The following PCDHGA8 variants were observed in gnomAD, a reference collection of about 807,000 sequenced individuals.
The protein encoded by PCDHGA8 is protocadherin gamma subfamily A, 8.
In PCDHGA8, 45 loss-of-function variants were observed where a neutral mutation model predicts 59.2. The ratio of observed to expected loss-of-function variants is 0.76; its 90% confidence interval spans 0.60 to 0.98. The LOEUF is 0.98. Ranked by LOEUF, PCDHGA8 falls within the 50% of genes least tolerant of loss-of-function variation. PCDHGA8 has a pLI of 0.00. For missense variants in PCDHGA8, 1,257 were observed against 1,196.2 expected (o/e 1.05, Z -0.75); for synonymous variants, 531 against 519.0 (o/e 1.02, Z -0.32).
chr5:141,392,834 C>T lies in PCDHGA8; in HGVS notation c.21C>T (p.Arg7=). 2 of 1,607,664 alleles carry T rather than the reference C, an allele frequency of 1.2e-6. No homozygotes were observed. Among genetic ancestry groups the T allele is most frequent in the Non-Finnish European group, 1.7e-6 (2 of 1,176,840 alleles). Residue 7 remains arginine, a synonymous_variant, in exon 1 of 4, where the codon CGC becomes CGT. Coordinates refer to ENST00000398604, the MANE Select transcript of PCDHGA8 (RefSeq NM_032088.2). MAAPQS[R]PRRGELILLC... ...CAACAATGGCCGCTCCACAGAGTCG[C>T]CCCAGACGCGGCGAGCTGATCCTGC...
rs779191558 is a variant in PCDHGA8 at position 141,491,465 on chromosome 5, A to T, written c.2425-3342A>T. 3.1e-6 allele frequency: 5 copies of T among 1,614,092 alleles called. No homozygotes were observed. Among genetic ancestry groups the T allele is most frequent in the Non-Finnish European group, 4.2e-6 (5 of 1,180,010 alleles). On this transcript the variant is annotated intron_variant, in intron 1 of 3. Transcript: ENST00000398604. The surrounding 1 kb of genome is among the most constrained non-coding windows in gnomAD (Gnocchi z 6.9). ...CAGGACTCACCCTCCCCGGACTTCT[A>T]TAAGCAGTCCAGCCCCAACCTGCAG... is the stretch of plus-strand genomic sequence containing the variant.
Position 141,487,904 on chromosome 5 carries a change from G to A in PCDHGA8, c.2425-6903G>A, listed in dbSNP as rs1229814755. On this transcript the variant is annotated intron_variant, in intron 1 of 3. Coordinates refer to ENST00000398604, the MANE Select transcript of PCDHGA8 (RefSeq NM_032088.2). The surrounding 1 kb of genome is among the most constrained non-coding windows in gnomAD (Gnocchi z 5.0). ...TGTGGAAGCATGATGATGGAATGTG[G>A]GAGCACAGGAGGCTACAGTGCACAG... 8.8e-6 allele frequency: 6 copies of A among 685,686 alleles called. No individual in the cohort carries two copies. The highest frequency in any genetic ancestry group is 1.5e-5 in the Non-Finnish European group (6 of 410,118). 42.5% of individuals were successfully genotyped at this position (685,686 alleles called of 1,614,324 possible). A position where few individuals can be genotyped will look rare whatever the true frequency, so the allele number is the denominator to read the frequency against.
chr5:141,414,849 C>G (rs10038103), intron 1 of PCDHGA8: 1 of 1,614,134 alleles, frequency 6.2e-7, no homozygotes, highest in African/African-American at 1.3e-5. Flanking sequence ...TTGTGCTGGA[C>G]CAGAACGACA....
Position 141,511,410 on chromosome 5 carries a change from T to TA in PCDHGA8, c.*238dup. On this transcript the variant is annotated 3_prime_UTR_variant, in exon 4 of 4. Coordinates refer to ENST00000398604, the MANE Select transcript of PCDHGA8 (RefSeq NM_032088.2). ...GGAACCCCCATCCAATCAACTGCTG[T>TA]ACCCATGGGGGTAGTGGGGTTACTG... The TA allele has an allele frequency of 1.1e-6, 1 of 908,822 alleles. No homozygotes were observed. The highest frequency in any genetic ancestry group is 1.6e-6 in the Non-Finnish European group (1 of 624,204). 56.3% of individuals were successfully genotyped at this position (908,822 alleles called of 1,614,324 possible).
intron 1 of PCDHGA8, chr5:141,427,043 G>A: frequency 2.2e-6 from 1 of 457,348 alleles, no homozygotes; most frequent in Non-Finnish European, 4.4e-6. Context: ...GAGAGAATGT[G>A]CCCCCAGGCA....
intron 1 of PCDHGA8, among the ~76,000 whole-genome samples, chr5:141,455,246 G>A (rs2098817522): frequency 6.6e-6 from 1 of 151,962 alleles, no homozygotes; most frequent in Non-Finnish European, 1.5e-5. Context: ...AAAGGTCATA[G>A]TACAATCGCA....
At chr5:141,434,337 C>T (rs939910421) in intron 1 of PCDHGA8, among the ~76,000 whole-genome samples, 13 of 152,230 alleles carry the variant, frequency 8.5e-5, no homozygotes, top group African/African-American at 2.4e-4. Context: ...CTCTTTGTGT[C>T]GGGAACAGGC....
At chr5:141,395,543 TGTGTG>T in intron 1 of PCDHGA8, 1 of 8,204 alleles carries the variant, frequency 1.2e-4, no homozygotes, top group Non-Finnish European at 2.0e-4. Context: ...TGCTATTGTT[TGTGTG>T]TGTGTGTGTG....
intron 1 of PCDHGA8, chr5:141,478,531 C>T (rs771145308): frequency 1.9e-6 from 3 of 1,608,190 alleles, no homozygotes; most frequent in Non-Finnish European, 2.5e-6. Flanking sequence ...GTGCAGAGAG[C>T]GCCCCTCCCG....
intron 1 of PCDHGA8, chr5:141,403,717 G>T: frequency 6.2e-7 from 1 of 1,613,936 alleles, no homozygotes; most frequent in Non-Finnish European, 8.5e-7. Flanking sequence ...TTGAGAACGT[G>T]CCCCCAGGCA....
intron 1 of PCDHGA8, among the ~76,000 whole-genome samples, chr5:141,458,513 G>GTT (rs537551567): frequency 7.5e-5 from 11 of 146,196 alleles, no homozygotes; most frequent in African/African-American, 2.2e-4. Flanking sequence ...TTGACACTTT[G>GTT]TTTTTTTTTT....
rs771124496 is a variant in PCDHGA8, at chr5:141,489,457, C to T, written c.2425-5350C>T. The T allele has an allele frequency of 1.2e-5, 19 of 1,613,882 alleles. No homozygotes were observed. The highest frequency in any genetic ancestry group is 6.7e-5 in the African/African-American group (5 of 74,896). Reference sequence around the variant, plus strand: ...GCAATTGGGCTCTGAGGAGAATGGGCGCTATTTTTCCCTGAGCTTGATGAG... The same window carrying T: ...GCAATTGGGCTCTGAGGAGAATGGGTGCTATTTTTCCCTGAGCTTGATGAG... On this transcript the variant is annotated intron_variant, in intron 1 of 3. Coordinates refer to ENST00000398604, the MANE Select transcript of PCDHGA8 (RefSeq NM_032088.2). The surrounding 1 kb of genome is among the most constrained non-coding windows in gnomAD (Gnocchi z 4.5).
intron 1 of PCDHGA8, chr5:141,405,107 T>A: frequency 6.2e-7 from 1 of 1,613,998 alleles, no homozygotes; most frequent in African/African-American, 1.3e-5. Flanking sequence ...GCTGAGGCAC[T>A]GGCACTCCTC....
At chr5:141,436,849 T>C (rs1007573014) in intron 1 of PCDHGA8, among the ~76,000 whole-genome samples, 11 of 152,256 alleles carry the variant, frequency 7.2e-5, no homozygotes, top group African/African-American at 2.7e-4. Context: ...ACATTCTTGA[T>C]TGAGAAGCCA....
At chr5:141,409,808 G>C in intron 1 of PCDHGA8, 2 of 1,611,624 alleles carry the variant, frequency 1.2e-6, no homozygotes, top group East Asian at 2.2e-5. Context: ...GCAGGCCCGC[G>C]ACCACGGCTC....
rs200646513 is a variant in PCDHGA8, at chr5:141,421,389, G to A, written c.2424+26152G>A. ...TGGGCAATATCTCCAAGGACCTGGG[G>A]CTGGAGCCCCGGGAGCTGGCGAAGC... On this transcript the variant is annotated intron_variant, in intron 1 of 3. Coordinates refer to ENST00000398604, the MANE Select transcript of PCDHGA8 (RefSeq NM_032088.2). The A allele has an allele frequency of 1.7e-3, 2,771 of 1,614,052 alleles. 5 individuals carry two copies. The highest frequency in any genetic ancestry group is 2.2e-3 in the Non-Finnish European group (2,560 of 1,179,918).
intron 1 of PCDHGA8, among the ~76,000 whole-genome samples, chr5:141,445,738 T>G (rs553879167): frequency 9.9e-5 from 15 of 152,122 alleles, no homozygotes; most frequent in Non-Finnish European, 1.9e-4. Context: ...AAAGATCTTT[T>G]TAAAAAATAA....
chr5:141,491,884 G>C lies in PCDHGA8; in HGVS notation c.2425-2923G>C, dbSNP rs745931108. 5.0e-5 allele frequency: 73 copies of C among 1,446,372 alleles called. No homozygotes were observed. The highest frequency in any genetic ancestry group is 6.3e-5 in the Non-Finnish European group (69 of 1,094,334). The allele number at this position is 1,446,372 out of a possible 1,614,324, so 89.6% of individuals were successfully genotyped here. A position where few individuals can be genotyped will look rare whatever the true frequency, so the allele number is the denominator to read the frequency against. On this transcript the variant is annotated intron_variant, in intron 1 of 3. Coordinates refer to ENST00000398604, the MANE Select transcript of PCDHGA8 (RefSeq NM_032088.2). The surrounding 1 kb of genome is among the most constrained non-coding windows in gnomAD (Gnocchi z 6.9). The stretch of plus-strand genomic sequence containing the variant: ...AACCAGAGTGGCCGATTAAGGGATG[G>C]GGCTCCGAGCACCGGGGGTGGTGGC...
intron 1 of PCDHGA8, among the ~76,000 whole-genome samples, chr5:141,467,304 C>T (rs567912553): frequency 2.0e-5 from 3 of 152,266 alleles, no homozygotes; most frequent in Admixed American, 6.5e-5. Flanking sequence ...CCACTCACCT[C>T]GGCCTCCCAC....
Sources: gnomAD v4.1 joint callset for allele counts (sites outside exome capture counted in the v4.1 genomes callset) on GRCh38, gnomAD v4.1.1 for gene constraint, Gnocchi (gnomAD v3.1) non-coding constraint, MANE v1.5 for transcripts, NCBI Gene and HGNC (gene_info 2026-07-23, HGNC 2026-07-21) for gene names.